TAFA5: variants seen among roughly 807,000 people sequenced by gnomAD.
TAFA5 encodes chemokine-like protein TAFA-5.
TAFA5 carries 6 observed loss-of-function variants against 15.3 expected under a neutral mutation model. That is an observed-to-expected ratio of 0.39 (90% CI 0.21 to 0.77). The LOEUF is 0.77. Among genes scored for constraint, TAFA5 ranks in the 30% least tolerant of loss-of-function variants. TAFA5 has a pLI of 0.41. For synonymous variants in TAFA5, 103 were observed against 80.7 expected, an observed-to-expected ratio of 1.28 and a Z score of -1.48; for missense variants, 161 against 193.1, an observed-to-expected ratio of 0.83 and a Z score of 0.98.
At chr22:48,681,073 C>T (rs987549566) in intron 2 of TAFA5, among the ~76,000 whole-genome samples, 1 of 152,206 alleles carries the variant, frequency 6.6e-6, no homozygotes, top group Non-Finnish European at 1.5e-5. Context: ...CAGTGGATTG[C>T]TCAGAATATT....
intron 2 of TAFA5, among the ~76,000 whole-genome samples, chr22:48,706,652 A>G (rs571510209): frequency 1.8e-4 from 28 of 152,244 alleles, no homozygotes; most frequent in Admixed American, 3.9e-4. Flanking sequence ...ACCTTGAACT[A>G]AAATACTGCC....
At chr22:48,707,889 A>T (rs769034933) in intron 3 of TAFA5, 45 bp downstream of exon 3, 2 of 1,594,730 alleles carry the variant, frequency 1.3e-6, no homozygotes, top group Admixed American at 3.4e-5. Flanking sequence ...GGGAGGGGGT[A>T]TGTGTGTGCG....
At chr22:48,617,155 T>A (rs776001322) in intron 1 of TAFA5, among the ~76,000 whole-genome samples, 3 of 150,658 alleles carry the variant, frequency 2.0e-5, no homozygotes, top group African/African-American at 4.9e-5. Flanking sequence ...GTCTTGCAGA[T>A]GTGATTAAGG....
At chr22:48,644,270 G>GCT (rs1485738978) in intron 1 of TAFA5, among the ~76,000 whole-genome samples, 4 of 152,192 alleles carry the variant, frequency 2.6e-5, no homozygotes, top group Non-Finnish European at 5.9e-5. Context: ...GGAGGGGCTT[G>GCT]CTGGTGGGGT....
chr22:48,722,064 A>T (rs940619719), intron 3 of TAFA5, among the ~76,000 whole-genome samples: 4 of 152,162 alleles, frequency 2.6e-5, no homozygotes, highest in Non-Finnish European at 4.4e-5. Context: ...CAGTTATGGG[A>T]TTGCTGGGTC....
chr22:48,534,055 T>C (rs80517), intron 1 of TAFA5, among the ~76,000 whole-genome samples: 103,335 of 151,986 alleles, frequency 0.68, 35,366 homozygotes, highest in African/African-American at 0.73. Flanking sequence ...AGAGCCCACA[T>C]GGTCTCCTTC....
intron 1 of TAFA5, among the ~76,000 whole-genome samples, chr22:48,571,501 C>T (rs1304681285): frequency 6.8e-6 from 1 of 147,576 alleles, no homozygotes; most frequent in Non-Finnish European, 1.5e-5. Context: ...TCTCAATCTC[C>T]TGACCTCGTG....
chr22:48,527,682 C>T (rs2147110790), intron 1 of TAFA5, among the ~76,000 whole-genome samples: 1 of 152,328 alleles, frequency 6.6e-6, no homozygotes, highest in African/African-American at 2.4e-5. Flanking sequence ...GCATCCCACC[C>T]AGGCTGGAAG....
chr22:48,544,931 G>A (rs759262405), intron 1 of TAFA5: 4 of 465,646 alleles, frequency 8.6e-6, no homozygotes, highest in African/African-American at 6.0e-5. Flanking sequence ...AGGCCCTACG[G>A]GTGTGAAGGA....
At chr22:48,690,004 G>A (rs983727485) in intron 2 of TAFA5, among the ~76,000 whole-genome samples, 3 of 151,956 alleles carry the variant, frequency 2.0e-5, no homozygotes, top group African/African-American at 4.8e-5. Flanking sequence ...GTGGCCTGGC[G>A]TCCATCACAG....
intron 1 of TAFA5, among the ~76,000 whole-genome samples, chr22:48,571,470 T>G (rs1291145701): frequency 6.6e-6 from 1 of 151,084 alleles, no homozygotes; most frequent in Non-Finnish European, 1.5e-5. Flanking sequence ...AGATGGGGTT[T>G]CACCATGTTG....
chr22:48,656,835 GCT>G (rs1927270363), intron 2 of TAFA5, among the ~76,000 whole-genome samples: 1 of 140,350 alleles, frequency 7.1e-6, no homozygotes, highest in Admixed American at 7.7e-5. Flanking sequence ...TGTGATCTCA[GCT>G]CTCTGCAACC....
chr22:48,699,486 G>T (rs1928835861), intron 2 of TAFA5, among the ~76,000 whole-genome samples: 2 of 152,204 alleles, frequency 1.3e-5, no homozygotes, highest in South Asian at 4.2e-4. Context: ...CTCCAGGGTG[G>T]AGAGATGTAC....
At chr22:48,729,656 AAAATAT>A (rs1406967274) in intron 3 of TAFA5, among the ~76,000 whole-genome samples, 1 of 147,102 alleles carries the variant, frequency 6.8e-6, no homozygotes, top group East Asian at 1.9e-4. Context: ...TTAATTATAT[AAAATAT>A]AAATAAATAT....
chr22:48,519,912 C>A (rs1569166071), intron 1 of TAFA5, among the ~76,000 whole-genome samples: 1 of 152,206 alleles, frequency 6.6e-6, no homozygotes, highest in Non-Finnish European at 1.5e-5. Flanking sequence ...ATTCATGTCC[C>A]CTGGAACCTC....
chr22:48,628,024 C>T (rs961837313), intron 1 of TAFA5, among the ~76,000 whole-genome samples: 7 of 152,200 alleles, frequency 4.6e-5, no homozygotes, highest in Non-Finnish European at 5.9e-5. Context: ...GCGGAGGATG[C>T]GATCCTGGTC....
intron 1 of TAFA5, among the ~76,000 whole-genome samples, chr22:48,639,653 C>G (rs1280342479): frequency 6.6e-6 from 1 of 152,228 alleles, no homozygotes; most frequent in African/African-American, 2.4e-5. Flanking sequence ...GCAGGTGCCC[C>G]CACTGCCCCA....
At position 48,566,788 on chromosome 22, in the gene TAFA5, G is replaced by T. The variant is rs1321601280; in HGVS notation, c.112+77084G>T. On this transcript the variant is annotated intron_variant, in intron 1 of 3. Transcript: ENST00000402357. This position sits in a 1 kb window ranked among gnomAD's most constrained non-coding sequence, Gnocchi z 4.5. ...CCCCTGATCATGCTCTCCTCCTTTT[G>T]CCTGTGTCCTCCTTGGAAGCATTTT... Among the ~76,000 whole-genome samples, 1 of 152,180 alleles carries T rather than the reference G, an allele frequency of 6.6e-6. No individual in the cohort carries two copies. Among genetic ancestry groups the T allele is most frequent in the Non-Finnish European group, 1.5e-5 (1 of 68,036 alleles).
intron 2 of TAFA5, among the ~76,000 whole-genome samples, chr22:48,682,347 G>A (rs1928218520): frequency 1.3e-5 from 2 of 152,226 alleles, no homozygotes; most frequent in African/African-American, 2.4e-5. Context: ...CCAAGGGGCT[G>A]CAGATGAAGG....
Sources: gnomAD v4.1 joint callset for allele counts (sites outside exome capture counted in the v4.1 genomes callset) on GRCh38, gnomAD v4.1.1 for gene constraint, Gnocchi (gnomAD v3.1) non-coding constraint, MANE v1.5 for transcripts, NCBI Gene and HGNC (gene_info 2026-07-23, HGNC 2026-07-21) for gene names.